The following BTBD7 variants were observed in gnomAD, a reference collection of about 807,000 sequenced individuals.
BTBD7 encodes the protein BTB/POZ domain-containing protein 7.
In BTBD7, 38 loss-of-function variants were observed where a neutral mutation model predicts 99.9. The ratio of observed to expected loss-of-function variants is 0.38; its 90% confidence interval spans 0.29 to 0.50. The LOEUF (loss-of-function observed/expected upper bound fraction) is 0.50. Ranked by LOEUF, BTBD7 falls within the 20% of genes least tolerant of loss-of-function variation. BTBD7 has a pLI of 0.93. For synonymous variants in BTBD7, 520 were observed against 511.4 expected (o/e 1.02, Z -0.23); for missense variants, 1,170 against 1,394.6 (o/e 0.84, Z 2.57).
At chr14:93,251,384 A>C in intron 8 of BTBD7, 79 bp downstream of exon 8, 1 of 1,421,336 alleles carries the variant, frequency 7.0e-7, no homozygotes, top group Non-Finnish European at 9.5e-7. Context: ...TAGCATATAC[A>C]GAGAGGCTCA....
chr14:93,283,720 T>C (rs2052747043), intron 3 of BTBD7, among the ~76,000 whole-genome samples: 1 of 152,158 alleles, frequency 6.6e-6, no homozygotes, highest in African/African-American at 2.4e-5. Flanking sequence ...CCCGGCTGAT[T>C]TTTGTATTTT....
At chr14:93,287,073 C>CA (rs1436272864) in intron 3 of BTBD7, among the ~76,000 whole-genome samples, 1 of 151,932 alleles carries the variant, frequency 6.6e-6, no homozygotes, top group African/African-American at 2.4e-5. Context: ...ACTAAAAACA[C>CA]AAAAAATTAG....
chr14:93,251,762 A>G (rs958598148), intron 7 of BTBD7, 110 bp from the exon 8 acceptor site: 1 of 1,012,702 alleles, frequency 9.9e-7, no homozygotes. Flanking sequence ...ATTTATTTCT[A>G]TTTTATAAAT....
At chr14:93,265,628 T>C (rs1460757390) in intron 3 of BTBD7, among the ~76,000 whole-genome samples, 1 of 152,198 alleles carries the variant, frequency 6.6e-6, no homozygotes, top group East Asian at 1.9e-4. Flanking sequence ...GCCATGTTTA[T>C]CAAGAATTTG....
At chr14:93,328,908 A>G (rs1001164984) in intron 1 of BTBD7, among the ~76,000 whole-genome samples, 2 of 152,226 alleles carry the variant, frequency 1.3e-5, no homozygotes, top group Admixed American at 1.3e-4. Context: ...CAGACCCAGA[A>G]CCTATCTATC....
chr14:93,272,810 T>C (rs963780949), intron 3 of BTBD7, among the ~76,000 whole-genome samples: 5 of 151,880 alleles, frequency 3.3e-5, no homozygotes, highest in Admixed American at 6.6e-5. Flanking sequence ...CTCTGAGAGC[T>C]GCTTGGATGA....
intron 1 of BTBD7, among the ~76,000 whole-genome samples, chr14:93,300,622 A>C (rs1346641974): frequency 3.6e-5 from 5 of 139,692 alleles, no homozygotes; most frequent in Non-Finnish European, 7.7e-5. Flanking sequence ...TGCAACCTCC[A>C]CCTCCCAGGC....
chr14:93,313,718 TCACACATATATA>T, intron 1 of BTBD7, among the ~76,000 whole-genome samples: 1 of 109,640 alleles, frequency 9.1e-6, no homozygotes, highest in Middle Eastern at 4.8e-3. Context: ...ACACACACAA[TCACACATATATA>T]CACACACATT....
At chr14:93,311,287 G>C (rs2053135413) in intron 1 of BTBD7, among the ~76,000 whole-genome samples, 1 of 152,126 alleles carries the variant, frequency 6.6e-6, no homozygotes, top group Non-Finnish European at 1.5e-5. Context: ...CTGCCTCCGA[G>C]AGCAGAGGTT....
chr14:93,331,576 G>A (rs1387381258), intron 1 of BTBD7, among the ~76,000 whole-genome samples: 2 of 152,172 alleles, frequency 1.3e-5, no homozygotes, highest in Admixed American at 6.5e-5. Flanking sequence ...TGCTATTAGG[G>A]ACAAAAGATT....
At chr14:93,308,662 T>C (rs145212685) in intron 1 of BTBD7, among the ~76,000 whole-genome samples, 137 of 152,330 alleles carry the variant, frequency 9.0e-4, no homozygotes, top group African/African-American at 3.2e-3. Context: ...GAGTAGATTA[T>C]TCAGCCTTAA....
intron 7 of BTBD7, among the ~76,000 whole-genome samples, chr14:93,252,268 C>G (rs2052377253): frequency 6.6e-6 from 1 of 151,002 alleles, no homozygotes; most frequent in African/African-American, 2.4e-5. Context: ...TGAGATCTCA[C>G]TGCGGCACTC....
At chr14:93,307,861 T>C (rs1381555696) in intron 1 of BTBD7, among the ~76,000 whole-genome samples, 1 of 152,216 alleles carries the variant, frequency 6.6e-6, no homozygotes, top group Non-Finnish European at 1.5e-5. Flanking sequence ...AGTTGAAAAC[T>C]GCTGAATGAA....
intron 1 of BTBD7, among the ~76,000 whole-genome samples, chr14:93,319,985 G>A (rs569769937): frequency 2.6e-5 from 4 of 152,232 alleles, no homozygotes; most frequent in African/African-American, 7.2e-5. Flanking sequence ...AAAATGGAAC[G>A]GCCAGAGAGA....
rs1566829180 is a variant in BTBD7, at chr14:93,237,897, T to A, written c.*4376A>T. On this transcript the variant is annotated 3_prime_UTR_variant, in exon 11 of 11. Coordinates refer to ENST00000334746, the MANE Select transcript of BTBD7 (RefSeq NM_001002860.4). ...CTTTAGCATTGAAGGCACTTGACTT[T>A]ATACCAGTAACAGCACAACCACAAG... 6.6e-6 allele frequency: 1 copy of A among 152,640 alleles called. No homozygotes were observed. The highest frequency in any genetic ancestry group is 1.5e-5 in the Non-Finnish European group (1 of 68,034). The allele number at this position is 152,640 out of a possible 1,614,324, so 9.5% of individuals were successfully genotyped here. A position where few individuals can be genotyped will look rare whatever the true frequency, so the allele number is the denominator to read the frequency against.
At chr14:93,313,148 G>C (rs2053157591) in intron 1 of BTBD7, among the ~76,000 whole-genome samples, 2 of 152,184 alleles carry the variant, frequency 1.3e-5, no homozygotes, top group Admixed American at 6.5e-5. Context: ...GGTCATGTCA[G>C]TGTTTGCCAT....
intron 3 of BTBD7, among the ~76,000 whole-genome samples, chr14:93,284,929 G>A (rs901192447): frequency 4.0e-5 from 6 of 151,826 alleles, no homozygotes; most frequent in Non-Finnish European, 8.8e-5. Flanking sequence ...AACAAAAGAT[G>A]CAATATTATA....
At chr14:93,295,862 T>C (rs1311995960) in intron 2 of BTBD7, 108 bp downstream of exon 2, 2 of 1,003,594 alleles carry the variant, frequency 2.0e-6, no homozygotes, top group African/African-American at 3.3e-5. Flanking sequence ...TGCTGCAGAA[T>C]TATTATAATA....
intron 5 of BTBD7, among the ~76,000 whole-genome samples, chr14:93,258,305 T>A (rs983501959): frequency 1.6e-4 from 25 of 152,166 alleles, no homozygotes; most frequent in Non-Finnish European, 8.8e-5. Flanking sequence ...GTTAACTGTG[T>A]AGAAAAGAGT....
Sources: allele counts gnomAD v4.1 joint callset (sites outside exome capture counted in the v4.1 genomes callset), GRCh38; gene constraint gnomAD v4.1.1; transcripts MANE v1.5; gene names NCBI Gene and HGNC (gene_info 2026-07-23, HGNC 2026-07-21).